Variants in GSE1 observed in about 807,000 individuals in gnomAD.
GSE1 encodes the protein Gse1 coiled-coil protein, also known as genetic suppressor element 1.
Under a neutral mutation model 112.6 loss-of-function variants are expected in GSE1, and 32 were observed. That is an observed-to-expected ratio of 0.28 (90% CI 0.21 to 0.38). The LOEUF (loss-of-function observed/expected upper bound fraction) is 0.38, where lower values mean the gene tolerates loss of function less well. Among genes scored for constraint, GSE1 ranks in the 10% least tolerant of loss-of-function variants. The probability of loss-of-function intolerance (pLI) is 1.00; values close to 1 mark genes in which losing one functional copy is unlikely to be tolerated. For synonymous variants in GSE1, 1,115 were observed against 735.6 expected (o/e 1.52, Z -8.35); for missense variants, 2,348 against 1,699.2 (o/e 1.38, Z -6.71).
At chr16:85,340,515 C>G (rs1019627322) in intron 1 of GSE1, among the ~76,000 whole-genome samples, 2 of 152,106 alleles carry the variant, frequency 1.3e-5, no homozygotes, top group Non-Finnish European at 2.9e-5. Context: ...GTAGTGCACA[C>G]CTGTAATCCC....
intron 2 of GSE1, among the ~76,000 whole-genome samples, chr16:85,366,765 G>A (rs2047193741): frequency 1.3e-5 from 2 of 152,178 alleles, no homozygotes; most frequent in Non-Finnish European, 2.9e-5. Flanking sequence ...TTTAACTTGG[G>A]CAATTGAAAA....
chr16:85,612,094 A>T (rs1311803920), upstream of GSE1, among the ~76,000 whole-genome samples: 1 of 151,622 alleles, frequency 6.6e-6, no homozygotes, highest in African/African-American at 2.4e-5. Context: ...GAGGATGAGG[A>T]GGGAGCGACC....
At chr16:85,457,600 C>A (rs1031981499) in intron 2 of GSE1, among the ~76,000 whole-genome samples, 2 of 152,216 alleles carry the variant, frequency 1.3e-5, no homozygotes, top group African/African-American at 4.8e-5. Context: ...TCCTCCAGGG[C>A]CCCAGGCTAC....
At chr16:85,645,090 T>C (rs938678422) in intron 2 of GSE1, among the ~76,000 whole-genome samples, 2 of 150,718 alleles carry the variant, frequency 1.3e-5, no homozygotes, top group Non-Finnish European at 3.0e-5. Context: ...CCTCCTCAGG[T>C]GGATCTAGTA....
chr16:85,345,232 C>T (rs9972746), intron 1 of GSE1, among the ~76,000 whole-genome samples: 37,528 of 152,158 alleles, frequency 0.25, 5,176 homozygotes, highest in Non-Finnish European at 0.32. Context: ...AAAGGAAGAA[C>T]AGTATTTCAC....
intron 2 of GSE1, among the ~76,000 whole-genome samples, chr16:85,487,945 G>T (rs923743976): frequency 6.6e-6 from 1 of 152,204 alleles, no homozygotes; most frequent in African/African-American, 2.4e-5. Flanking sequence ...CACCTCTAGG[G>T]CTATACCCCA....
At chr16:85,421,349 C>T (rs2048841241) in intron 2 of GSE1, among the ~76,000 whole-genome samples, 1 of 152,078 alleles carries the variant, frequency 6.6e-6, no homozygotes, top group African/African-American at 2.4e-5. Flanking sequence ...CAGGGTCACC[C>T]CAATTTCCAC....
chr16:85,495,429 T>TTTTATTTATTTA (rs67017375), intron 2 of GSE1, among the ~76,000 whole-genome samples: 7 of 145,272 alleles, frequency 4.8e-5, no homozygotes, highest in South Asian at 4.6e-4. Context: ...GCTGGGAACA[T>TTTTATTTATTTA]TTTATTTATT....
chr16:85,616,334 A>G (rs907095502), intron 1 of GSE1, among the ~76,000 whole-genome samples: 1 of 152,220 alleles, frequency 6.6e-6, no homozygotes, highest in Non-Finnish European at 1.5e-5. Flanking sequence ...GAGTGCGGAT[A>G]AGCTAGAGGG....
rs977335312 is a variant in GSE1, at chr16:85,673,562, A to C, written c.*1023A>C. 1 of 152,112 alleles carries C rather than the reference A, an allele frequency of 6.6e-6. No individual in the cohort carries two copies. The highest frequency in any genetic ancestry group is 2.4e-5 in the African/African-American group (1 of 41,308). The allele number at this position is 152,112 out of a possible 1,614,324, so 9.4% of individuals were successfully genotyped here. On this transcript the variant is annotated 3_prime_UTR_variant, in exon 16 of 16. Transcript: ENST00000253458. Reference sequence around the variant, plus strand: ...AATATTGAAGTGTTTTTAAAAATTAAAGAAGAAGAAAAGTAAAAGAGCTTA... The same window carrying C: ...AATATTGAAGTGTTTTTAAAAATTACAGAAGAAGAAAAGTAAAAGAGCTTA...
At chr16:85,667,249 C>T (rs1176726633) in intron 13 of GSE1, among the ~76,000 whole-genome samples, 1 of 152,264 alleles carries the variant, frequency 6.6e-6, no homozygotes, top group African/African-American at 2.4e-5. Context: ...CTGACCTTGT[C>T]CTGGCCTTAC....
At chr16:85,304,609 T>TGGGGGGGGGGG (rs34644508) in intron 1 of GSE1, among the ~76,000 whole-genome samples, 2 of 110,940 alleles carry the variant, frequency 1.8e-5, no homozygotes, top group African/African-American at 3.0e-5. Flanking sequence ...GGCGGGGGGG[T>TGGGGGGGGGGG]GGGGCATCCC....
chr16:85,568,598 T>A (rs1350420023), intron 1 of GSE1, among the ~76,000 whole-genome samples: 3 of 152,210 alleles, frequency 2.0e-5, no homozygotes, highest in African/African-American at 7.2e-5. Flanking sequence ...ACAGGGTTGG[T>A]TGATCAGTGG....
chr16:85,266,792 T>C (rs1199922290), intron 1 of GSE1, among the ~76,000 whole-genome samples: 2 of 152,116 alleles, frequency 1.3e-5, no homozygotes, highest in Non-Finnish European at 2.9e-5. Context: ...CTCTTGCAGG[T>C]ACTGATCTTA....
At chr16:85,466,470 G>A (rs755112675) in intron 2 of GSE1, among the ~76,000 whole-genome samples, 1 of 152,208 alleles carries the variant, frequency 6.6e-6, no homozygotes, top group Non-Finnish European at 1.5e-5. Context: ...GGCCCTCCTG[G>A]CGCACACTGG....
intron 2 of GSE1, among the ~76,000 whole-genome samples, chr16:85,645,328 A>C (rs1427272782): frequency 6.6e-6 from 1 of 151,586 alleles, no homozygotes; most frequent in Non-Finnish European, 1.5e-5. Flanking sequence ...TGCTGGGGAG[A>C]ATGTGAACGT....
At chr16:85,183,931 T>C (rs1289714780) in intron 1 of GSE1, among the ~76,000 whole-genome samples, 1 of 152,218 alleles carries the variant, frequency 6.6e-6, no homozygotes, top group Non-Finnish European at 1.5e-5. Context: ...GAGACAAAGC[T>C]GTTGACGTGT....
At chr16:85,302,086 C>A (rs1435980893) in intron 1 of GSE1, among the ~76,000 whole-genome samples, 9 of 152,150 alleles carry the variant, frequency 5.9e-5, no homozygotes, top group Non-Finnish European at 1.2e-4. Context: ...CTGCTAATGG[C>A]CACCCCAGAT....
intron 1 of GSE1, among the ~76,000 whole-genome samples, chr16:85,256,524 C>A (rs1225846704): frequency 2.0e-5 from 3 of 152,236 alleles, no homozygotes; most frequent in African/African-American, 7.2e-5. Flanking sequence ...TCAGGGCCGC[C>A]CAGGCACGTT....
Sources: gnomAD v4.1 joint callset for allele counts (sites outside exome capture counted in the v4.1 genomes callset) on GRCh38, gnomAD v4.1.1 for gene constraint, MANE v1.5 for transcripts, NCBI Gene and HGNC (gene_info 2026-07-23, HGNC 2026-07-21) for gene names.